The following DDX50 variants were observed in gnomAD, a reference collection of about 807,000 sequenced individuals.
DDX50 encodes the protein ATP-dependent RNA helicase DDX50.
Under a neutral mutation model 94.8 loss-of-function variants are expected in DDX50, and 56 were observed. That is an observed-to-expected ratio of 0.59 (90% CI 0.48 to 0.74). The LOEUF (loss-of-function observed/expected upper bound fraction) is 0.74. Among genes scored for constraint, DDX50 ranks in the 30% least tolerant of loss-of-function variants. DDX50 has a pLI of 0.00. For synonymous variants in DDX50, 264 were observed against 295.4 expected (o/e 0.89, Z 1.09); for missense variants, 713 against 881.2 (o/e 0.81, Z 2.42).
Position 68,934,944 on chromosome 10 carries a change from C to G in DDX50, c.1521+26C>G. On this transcript the variant is annotated intron_variant, in intron 10 of 14. Transcript: ENST00000373585. This position sits in a 1 kb window ranked among gnomAD's most constrained non-coding sequence, Gnocchi z 4.0. ...GTAAGTAGAGTTAAATTATTTCAGG[C>G]TTATTGTCTAAATGGTGCCTTAAAA... 1 of 1,606,228 alleles carries G rather than the reference C, an allele frequency of 6.2e-7. No homozygotes were observed. The highest frequency in any genetic ancestry group is 8.5e-7 in the Non-Finnish European group (1 of 1,176,658).
At position 68,919,852 on chromosome 10, in the gene DDX50, T is replaced by C. The variant is rs774242439; in HGVS notation, c.1110T>C (p.His370=). Residue 370 remains histidine (H), a synonymous_variant, in exon 8 of 15, where the codon CAT becomes CAC. Coordinates refer to ENST00000373585, the MANE Select transcript of DDX50 (RefSeq NM_024045.2). Reference sequence around the variant, plus strand: ...CAAAGCATTTGGCCATCCAGTGTCATTGGTCTCAGAGGCCAGCAGTTATTG... The same window carrying C: ...CAAAGCATTTGGCCATCCAGTGTCACTGGTCTCAGAGGCCAGCAGTTATTG... ...TTVEHLAIQC[H]WSQRPAVIGD... 64 of 1,613,588 alleles carry C rather than the reference T, an allele frequency of 4.0e-5. No individual in the cohort carries two copies. Among genetic ancestry groups the C allele is most frequent in the Admixed American group, 2.5e-4 (15 of 59,974 alleles).
At chr10:68,942,056 G>T (rs1255109278) in intron 13 of DDX50, among the ~76,000 whole-genome samples, 1 of 152,156 alleles carries the variant, frequency 6.6e-6, no homozygotes, top group Non-Finnish European at 1.5e-5. Flanking sequence ...CCAAAGTGCT[G>T]GGATTACAGG....
rs577377946 is a variant in DDX50, at chr10:68,919,894, C to T, written c.1152C>T (p.Val384=). The T allele has an allele frequency of 2.5e-6, 4 of 1,613,918 alleles. No homozygotes were observed. Among genetic ancestry groups the T allele is most frequent in the Middle Eastern group, 3.3e-4 (2 of 6,070 alleles). ...RPAVIGDVLQ[V]YSGSEGRAII... ...CAGTTATTGGAGATGTCCTTCAAGTCTACAGTGGGTCTGAAGGGAGGGCTA... is the reference window on the plus strand; with the variant it reads ...CAGTTATTGGAGATGTCCTTCAAGTTTACAGTGGGTCTGAAGGGAGGGCTA... Residue 384 remains valine, a synonymous_variant, in exon 8 of 15, where the codon GTC becomes GTT. Transcript: ENST00000373585.
chr10:68,946,345 C>T lies in DDX50; in HGVS notation c.1936-7C>T, dbSNP rs1416646151. The T allele has an allele frequency of 4.4e-6, 7 of 1,600,752 alleles. No homozygotes were observed. The highest frequency in any genetic ancestry group is 6.0e-6 in the Non-Finnish European group (7 of 1,171,816). ...ATTTATATTAATCCTGTAAATTCCC[C>T]TAACAGGCAGAGTGGCATGATTCCG... On this transcript the variant is annotated splice_region_variant and splice_polypyrimidine_tract_variant and intron_variant, in intron 14 of 14. Coordinates refer to ENST00000373585, the MANE Select transcript of DDX50 (RefSeq NM_024045.2).
rs755065803 is a variant in DDX50 at position 68,901,335 on chromosome 10, C to A, written c.-50C>A. 6.8e-7 allele frequency: 1 copy of A among 1,473,990 alleles called. No individual in the cohort carries two copies. The highest frequency in any genetic ancestry group is 9.1e-7 in the Non-Finnish European group (1 of 1,099,786). The allele number at this position is 1,473,990 out of a possible 1,614,324, so 91.3% of individuals were successfully genotyped here. A position where few individuals can be genotyped will look rare whatever the true frequency, so the allele number is the denominator to read the frequency against. On this transcript the variant is annotated 5_prime_UTR_variant, in exon 1 of 15. Transcript: ENST00000373585. ...CGCTTCCTTTCACGCTGTCGCTGCC[C>A]GTAGGTGGTTGTGGCCACTGTGCCC...
intron 8 of DDX50, 152 bp downstream of exon 8, chr10:68,920,133 A>T (rs1841902125): frequency 5.5e-6 from 5 of 909,206 alleles, no homozygotes; most frequent in Non-Finnish European, 8.4e-6. Flanking sequence ...TAATCCTGTG[A>T]CCTGATAAGT....
At chr10:68,933,261 A>G (rs1005097287) in intron 8 of DDX50, among the ~76,000 whole-genome samples, 4 of 151,690 alleles carry the variant, frequency 2.6e-5, no homozygotes, top group Admixed American at 6.6e-5. Flanking sequence ...GTAGAGACAG[A>G]GTTTCACCAT....
At chr10:68,907,230 T>TAA (rs909043403) in intron 2 of DDX50, among the ~76,000 whole-genome samples, 28 of 152,108 alleles carry the variant, frequency 1.8e-4, no homozygotes, top group African/African-American at 6.8e-4. Flanking sequence ...GAGCAATAGT[T>TAA]AAATTTAAAC....
At chr10:68,929,292 C>CCTTCCTTCCTTCCTTCCT (rs1554836333) in intron 8 of DDX50, among the ~76,000 whole-genome samples, 126 of 122,590 alleles carry the variant, frequency 1.0e-3, no homozygotes, top group Non-Finnish European at 1.1e-3. Flanking sequence ...TTCCTTCCTT[C>CCTTCCTTCCTTCCTTCCT]CTCTCTCTCT....
At chr10:68,912,335 C>CT (rs1000562599) in intron 4 of DDX50, among the ~76,000 whole-genome samples, 3 of 152,100 alleles carry the variant, frequency 2.0e-5, no homozygotes, top group African/African-American at 7.2e-5. Context: ...TCCTCTCAGT[C>CT]TCTCCAGTAG....
chr10:68,921,622 C>CAG (rs1841942530), intron 8 of DDX50, among the ~76,000 whole-genome samples: 1 of 152,166 alleles, frequency 6.6e-6, no homozygotes, highest in Non-Finnish European at 1.5e-5. Context: ...CCTTATGTCA[C>CAG]TGTCTCTCCA....
At chr10:68,929,752 A>G (rs1160156525) in intron 8 of DDX50, among the ~76,000 whole-genome samples, 2 of 106,350 alleles carry the variant, frequency 1.9e-5, no homozygotes, top group Non-Finnish European at 1.8e-5. Context: ...TTTGAGATGG[A>G]GTCTCACTGT....
In DDX50 at chr10:68,934,132, G is replaced by A; in HGVS notation, c.1240-67G>A. On this transcript the variant is annotated intron_variant, in intron 8 of 14. Transcript: ENST00000373585. This position sits in a 1 kb window ranked among gnomAD's most constrained non-coding sequence, Gnocchi z 4.0. ...AAACATGCAAAAGGAGCACAGACTA[G>A]ATGTTGTTGTGCTATCAGTTGCAAG... The A allele has an allele frequency of 6.9e-7, 1 of 1,453,962 alleles. No individual in the cohort carries two copies. Among genetic ancestry groups the A allele is most frequent in the South Asian group, 1.3e-5 (1 of 77,062 alleles). The allele number at this position is 1,453,962 out of a possible 1,614,324, so 90.1% of individuals were successfully genotyped here.
intron 2 of DDX50, among the ~76,000 whole-genome samples, chr10:68,907,317 C>CTT (rs59316500): frequency 0.018 from 2,333 of 130,416 alleles, 72 homozygotes; most frequent in African/African-American, 0.04. Flanking sequence ...TTTCTTTTTT[C>CTT]TTTTTTTTTT....
At chr10:68,939,354 C>T (rs370382215) in intron 12 of DDX50, among the ~76,000 whole-genome samples, 75 of 152,278 alleles carry the variant, frequency 4.9e-4, no homozygotes, top group African/African-American at 1.8e-3. Flanking sequence ...TTAGTCTCAA[C>T]TCTCATCCAA....
At position 68,946,674 on chromosome 10, in the gene DDX50, C is replaced by T. The variant is rs1842682747; in HGVS notation, c.*44C>T. ...ACCAGTGTGAGCTTGCCTATTTCTGCCTAATCATGTACATTATCCACCAAA... is the reference window on the plus strand; with the variant it reads ...ACCAGTGTGAGCTTGCCTATTTCTGTCTAATCATGTACATTATCCACCAAA... On this transcript the variant is annotated 3_prime_UTR_variant, in exon 15 of 15. Transcript: ENST00000373585. The T allele has an allele frequency of 1.3e-6, 2 of 1,581,692 alleles. No individual in the cohort carries two copies. Among genetic ancestry groups the T allele is most frequent in the South Asian group, 1.1e-5 (1 of 87,948 alleles).
chr10:68,904,875 T>C (rs916969710), intron 1 of DDX50, among the ~76,000 whole-genome samples: 17 of 152,262 alleles, frequency 1.1e-4, no homozygotes, highest in African/African-American at 4.1e-4. Context: ...TTCACACATA[T>C]TGTTCAATTC....
At chr10:68,914,793 G>T (rs531361098) in intron 7 of DDX50, among the ~76,000 whole-genome samples, 2 of 148,462 alleles carry the variant, frequency 1.3e-5, no homozygotes, top group South Asian at 4.3e-4. Context: ...AGGCCAAGGC[G>T]GGCAGATCAC....
At chr10:68,943,316 G>T in intron 14 of DDX50, 59 bp downstream of exon 14, 1 of 1,399,764 alleles carries the variant, frequency 7.1e-7, no homozygotes, top group Admixed American at 2.1e-5. Context: ...TTTAGATTGG[G>T]ATATTTTGGG....
Sources: allele counts gnomAD v4.1 joint callset (sites outside exome capture counted in the v4.1 genomes callset), GRCh38; gene constraint gnomAD v4.1.1; non-coding constraint Gnocchi (gnomAD v3.1); transcripts MANE v1.5; gene names NCBI Gene and HGNC (gene_info 2026-07-23, HGNC 2026-07-21).